Variants in MAOB observed in about 807,000 individuals in gnomAD.
MAOB encodes amine oxidase [flavin-containing] B.
In MAOB, 15 loss-of-function variants were observed where a neutral mutation model predicts 41.9. That is an observed-to-expected ratio of 0.36 (90% confidence interval 0.24 to 0.55). MAOB has a LOEUF of 0.55. MAOB is among the 20% of genes least tolerant of loss of function. The pLI is 0.86. For missense variants in MAOB, 345 were observed against 398.7 expected (o/e 0.87, Z 1.15); for synonymous variants, 167 against 144.2 (o/e 1.16, Z -1.13).
At chrX:43,808,701 C>G (rs1178409033) in intron 3 of MAOB, among the ~76,000 whole-genome samples, 1 of 93,786 alleles carries the variant, frequency 1.1e-5, no homozygotes, top group Non-Finnish European at 2.2e-5. Context: ...TACACATAGA[C>G]ACACACACAC....
At chrX:43,816,388 T>C (rs2034815256) in intron 3 of MAOB, among the ~76,000 whole-genome samples, 1 of 112,178 alleles carries the variant, frequency 8.9e-6, no homozygotes, top group South Asian at 3.7e-4. Context: ...TAAAAATCCA[T>C]TGAATTGTAC....
At chrX:43,778,787 G>C in intron 10 of MAOB, 48 bp from the exon 11 acceptor site, 87 of 959,925 alleles carry the variant, frequency 9.1e-5, no homozygotes, top group Non-Finnish European at 1.1e-4. Flanking sequence ...AGAAGGGAGG[G>C]AAAAAAAAAG....
intron 3 of MAOB, among the ~76,000 whole-genome samples, chrX:43,816,032 G>C (rs2147147704): frequency 8.9e-6 from 1 of 111,836 alleles, no homozygotes; most frequent in African/African-American, 3.2e-5. Flanking sequence ...TACATCAAGG[G>C]GAATAAATCA....
rs551985903 is a variant in MAOB at position 43,875,099 on chromosome X, C to A, written c.46+7155G>T. On this transcript the variant is annotated intron_variant, in intron 1 of 14. Coordinates refer to ENST00000378069, the MANE Select transcript of MAOB (RefSeq NM_000898.5). ...TTAACAGAGGAGGCCAAAGATGGAT[C>A]CATTTTGTGAGCATGAAAACAGAAA... 1.2e-4 allele frequency among the ~76,000 whole-genome samples: 13 copies of A among 111,766 alleles called. No homozygotes were observed. The South Asian group carries it at 3.4e-3, about 29-fold the overall frequency.
At chrX:43,808,687 T>C (rs866313019) in intron 3 of MAOB, among the ~76,000 whole-genome samples, 22 of 90,173 alleles carry the variant, frequency 2.4e-4, no homozygotes, top group South Asian at 1.7e-3. Flanking sequence ...TCTATATCTA[T>C]ATCTACACAT....
chrX:43,803,610 T>C (rs945663366), intron 3 of MAOB, among the ~76,000 whole-genome samples: 1 of 111,957 alleles, frequency 8.9e-6, no homozygotes. Flanking sequence ...TTAATTAAGT[T>C]CACTGCCACA....
intron 3 of MAOB, among the ~76,000 whole-genome samples, chrX:43,827,172 G>A (rs150029667): frequency 1.1e-3 from 122 of 111,781 alleles, no homozygotes; most frequent in African/African-American, 3.8e-3. Context: ...GTGTGTTTTG[G>A]TTACCAATGG....
intron 3 of MAOB, among the ~76,000 whole-genome samples, chrX:43,811,407 G>C (rs1489790060): frequency 9.0e-6 from 1 of 111,236 alleles, no homozygotes; most frequent in Non-Finnish European, 1.9e-5. Flanking sequence ...ATGTTCATGG[G>C]AACCTTGCCC....
At chrX:43,818,641 T>C (rs2034846415) in intron 3 of MAOB, among the ~76,000 whole-genome samples, 1 of 112,433 alleles carries the variant, frequency 8.9e-6, no homozygotes, top group Admixed American at 9.4e-5. Flanking sequence ...ACTAACACTG[T>C]ATTTGGGTAA....
intron 3 of MAOB, among the ~76,000 whole-genome samples, chrX:43,833,933 A>C (rs1396909155): frequency 1.8e-5 from 2 of 112,448 alleles, no homozygotes; most frequent in Admixed American, 1.9e-4. Context: ...TCTAAAGAAC[A>C]CAAATGAGCA....
rs74465935 is a variant in MAOB at position 43,807,884 on chromosome X, C to T, written c.280-4480G>A. On this transcript the variant is annotated intron_variant, in intron 3 of 14. Coordinates refer to ENST00000378069, the MANE Select transcript of MAOB (RefSeq NM_000898.5). ...CCTTGAACTTGTCATTTATTTGACA[C>T]ACAATGCCCCGATTTATAAACTGAT... Among the ~76,000 whole-genome samples the T allele has an allele frequency of 9.9e-4, 111 of 111,737 alleles. No homozygotes were observed. The East Asian group carries it at 0.029, about 30-fold the overall frequency.
intron 3 of MAOB, among the ~76,000 whole-genome samples, chrX:43,828,725 A>G (rs2034979617): frequency 9.0e-6 from 1 of 111,537 alleles, no homozygotes; most frequent in Non-Finnish European, 1.9e-5. Flanking sequence ...AAATACCTGG[A>G]TGGTGGAGTG....
chrX:43,780,395 T>C lies in MAOB; in HGVS notation c.1026A>G (p.Gly342=), dbSNP rs769414174. The stretch of plus-strand genomic sequence containing the variant: ...TTCTGGCTTTGTGGGCCAGGATAAA[T>C]CTAAAGAATATAAACAAGAAAAAGG... ...KPEGNYAAIM[G]FILAHKARKL... Residue 342 remains glycine, a splice_region_variant and synonymous_variant, in exon 10 of 15, where the codon GGA becomes GGG. Transcript: ENST00000378069. 1 of 1,190,420 alleles carries C rather than the reference T, an allele frequency of 8.4e-7. No individual in the cohort carries two copies. Among genetic ancestry groups the C allele is most frequent in the South Asian group, 1.8e-5 (1 of 55,757 alleles).
At position 43,802,258 on chromosome X, in the gene MAOB, C is replaced by T. The variant is rs752097767; in HGVS notation, c.390G>A (p.Pro130=). ...GGGGAGCCTTCCATGGGGCATCACT[C>T]GGAATCTACATTCAGATGAGGATTC... The part of the protein sequence containing the change: ...RTMDDMGREI[P]SDAPWKAPLA... The change falls in exon 5 of 15, where the codon CCG becomes CCA. Residue 130 remains proline, a synonymous_variant. Coordinates refer to ENST00000378069, the MANE Select transcript of MAOB (RefSeq NM_000898.5). 15 of 1,165,932 alleles carry T rather than the reference C, an allele frequency of 1.3e-5. No homozygotes were observed. Among genetic ancestry groups the T allele is most frequent in the African/African-American group, 1.1e-4 (6 of 56,477 alleles).
intron 1 of MAOB, among the ~76,000 whole-genome samples, chrX:43,873,325 T>C (rs561365159): frequency 1.8e-5 from 2 of 111,084 alleles, no homozygotes; most frequent in East Asian, 2.8e-4. Context: ...AAAGAATCAT[T>C]AAAAATGTTG....
chrX:43,816,524 T>C (rs1402901856), intron 3 of MAOB, among the ~76,000 whole-genome samples: 1 of 111,841 alleles, frequency 8.9e-6, no homozygotes, highest in Non-Finnish European at 1.9e-5. Flanking sequence ...AGCCCTGGAA[T>C]GTTGTAATAT....
At chrX:43,809,969 C>T (rs1322773193) in intron 3 of MAOB, among the ~76,000 whole-genome samples, 2 of 101,697 alleles carry the variant, frequency 2.0e-5, no homozygotes, top group Non-Finnish European at 3.8e-5. Context: ...AAGGGCCGGG[C>T]GCGGTGGCTC....
intron 1 of MAOB, among the ~76,000 whole-genome samples, chrX:43,872,271 A>G (rs1239254072): frequency 8.9e-6 from 1 of 112,163 alleles, no homozygotes; most frequent in African/African-American, 3.2e-5. Flanking sequence ...ACTTGCCACC[A>G]CTAAAATGTT....
rs765942506 is a variant in MAOB at position 43,879,609 on chromosome X, C to T, written c.46+2645G>A. On this transcript the variant is annotated intron_variant, in intron 1 of 14. Coordinates refer to ENST00000378069, the MANE Select transcript of MAOB (RefSeq NM_000898.5). ...TCCAACTCTAGACGTCCTATCTTTTCCCAAAACCTTCTCTCCCTCTTCTTC... is the reference window on the plus strand; with the variant it reads ...TCCAACTCTAGACGTCCTATCTTTTTCCAAAACCTTCTCTCCCTCTTCTTC... Among the ~76,000 whole-genome samples, 3 of 111,660 alleles carry T rather than the reference C, an allele frequency of 2.7e-5. No homozygotes were observed. The East Asian group carries it at 8.4e-4, about 31-fold the overall frequency.
Sources: gnomAD v4.1 joint callset for allele counts (sites outside exome capture counted in the v4.1 genomes callset) on GRCh38, gnomAD v4.1.1 for gene constraint, MANE v1.5 for transcripts, NCBI Gene and HGNC (gene_info 2026-07-23, HGNC 2026-07-21) for gene names.